BMP5: variants seen among roughly 807,000 people sequenced by gnomAD.
BMP5 encodes bone morphogenetic protein 5.
A neutral mutation model predicts 46.6 loss-of-function variants in BMP5; 23 were observed. That is an observed-to-expected ratio of 0.49 (90% CI 0.35 to 0.70). The LOEUF (loss-of-function observed/expected upper bound fraction) is 0.70. Among genes scored for constraint, BMP5 ranks in the 30% least tolerant of loss-of-function variants. BMP5 has a pLI of 0.00. For synonymous variants in BMP5, 204 were observed against 191.9 expected (o/e 1.06, Z -0.52); for missense variants, 545 against 565.6 (o/e 0.96, Z 0.37).
At position 55,772,148 on chromosome 6, in the gene BMP5, CA is replaced by C. The variant is rs199766232; in HGVS notation, c.1027+1900del. On this transcript the variant is annotated intron_variant, in intron 4 of 6. Transcript: ENST00000370830. Reference sequence around the variant, plus strand: ...GAAATGGTTGCCAATGACAAAATTTCAAAAAGAAAATATTGGTCTATATTAG... The same window carrying C: ...GAAATGGTTGCCAATGACAAAATTTCAAAAGAAAATATTGGTCTATATTAG... 5.3e-3 allele frequency among the ~76,000 whole-genome samples: 802 copies of C among 151,904 alleles called. 6 individuals are homozygous for C. Among genetic ancestry groups the C allele is most frequent in the African/African-American group, 0.019 (772 of 41,494 alleles).
intron 1 of BMP5, among the ~76,000 whole-genome samples, chr6:55,864,005 T>C (rs1036236236): frequency 1.3e-5 from 2 of 152,068 alleles, no homozygotes; most frequent in Non-Finnish European, 2.9e-5. Context: ...CCCCCATTTT[T>C]AAAGATGCAT....
chr6:55,849,182 G>A (rs1041208962), intron 1 of BMP5, among the ~76,000 whole-genome samples: 1 of 151,970 alleles, frequency 6.6e-6, no homozygotes, highest in African/African-American at 2.4e-5. Context: ...GTGGTCTGGG[G>A]CTATAGGAGT....
chr6:55,857,546 G>A (rs773527268), intron 1 of BMP5, among the ~76,000 whole-genome samples: 13 of 152,178 alleles, frequency 8.5e-5, no homozygotes, highest in Admixed American at 6.5e-4. Context: ...AATAATTGCC[G>A]ATGGCAAAAA....
intron 3 of BMP5, among the ~76,000 whole-genome samples, chr6:55,777,412 C>T (rs924962283): frequency 4.6e-5 from 7 of 151,954 alleles, no homozygotes; most frequent in African/African-American, 7.2e-5. Context: ...ATTACCTTTA[C>T]ATGTGTGTAT....
chr6:55,875,215 G>A lies in BMP5; in HGVS notation c.-350C>T, dbSNP rs3734443. The A allele has an allele frequency of 1.8e-4, 41 of 225,938 alleles. No homozygotes were observed. In the East Asian group the frequency reaches 4.0e-3, roughly 22 times the overall value. The allele number at this position is 225,938 out of a possible 1,614,324, so 14.0% of individuals were successfully genotyped here. On this transcript the variant is annotated 5_prime_UTR_variant, in exon 1 of 7. Transcript: ENST00000370830. ...ATGAATTTATGATAATCAGGCCTTT[G>A]GTATTTGAATTAGCAAAAGTTGATC...
intron 1 of BMP5, among the ~76,000 whole-genome samples, chr6:55,871,594 C>T (rs1562081233): frequency 6.6e-6 from 1 of 151,762 alleles, no homozygotes; most frequent in Non-Finnish European, 1.5e-5. Flanking sequence ...CTAATCTCAT[C>T]TGAATTTTAA....
intron 1 of BMP5, among the ~76,000 whole-genome samples, chr6:55,855,862 T>C (rs901612000): frequency 6.6e-6 from 1 of 152,180 alleles, no homozygotes; most frequent in Non-Finnish European, 1.5e-5. Flanking sequence ...TTTAAATAGC[T>C]CTTTTATATA....
chr6:55,779,095 T>G (rs767147742), intron 3 of BMP5, among the ~76,000 whole-genome samples: 17 of 152,096 alleles, frequency 1.1e-4, no homozygotes, highest in Admixed American at 5.3e-4. Context: ...TTAAAGGAGA[T>G]TCTGACATAA....
At chr6:55,844,090 A>C (rs1777037128) in intron 1 of BMP5, among the ~76,000 whole-genome samples, 1 of 151,964 alleles carries the variant, frequency 6.6e-6, no homozygotes, top group African/African-American at 2.4e-5. Flanking sequence ...TAAACTTTCC[A>C]CCCACCCTTT....
Position 55,774,123 on chromosome 6 carries a change from G to A in BMP5, c.953C>T (p.Ala318Val). The part of the protein sequence containing the change: ...SEVLLRSVRA[A>V]NKRKNQNRNK... ...GCGGTTTTGATTTTTTCGTTTGTTG[G>A]CTGCTCTCACGGATCGAAGAAGTAC... Residue 318 changes from alanine to valine, a missense_variant, in exon 4 of 7, where the codon GCC (alanine) becomes GTC (valine). Coordinates refer to ENST00000370830, the MANE Select transcript of BMP5 (RefSeq NM_021073.4). 1 of 1,613,076 alleles carries A rather than the reference G, an allele frequency of 6.2e-7. No homozygotes were observed. Among genetic ancestry groups the A allele is most frequent in the Non-Finnish European group, 8.5e-7 (1 of 1,179,446 alleles).
chr6:55,779,357 C>A (rs906728192), intron 3 of BMP5, among the ~76,000 whole-genome samples: 6 of 151,940 alleles, frequency 3.9e-5, no homozygotes, highest in African/African-American at 1.4e-4. Context: ...TTCTTCATTT[C>A]AAAAATGGCT....
intron 3 of BMP5, among the ~76,000 whole-genome samples, chr6:55,775,663 A>C (rs2127521869): frequency 6.6e-6 from 1 of 152,066 alleles, no homozygotes; most frequent in East Asian, 1.9e-4. Flanking sequence ...ACTGTGGAGC[A>C]ACCTCAGTCC....
chr6:55,844,154 G>T (rs2127546789), intron 1 of BMP5, among the ~76,000 whole-genome samples: 1 of 151,980 alleles, frequency 6.6e-6, no homozygotes, highest in African/African-American at 2.4e-5. Context: ...AGAGTTGATT[G>T]TTCTGTCTTC....
intron 3 of BMP5, among the ~76,000 whole-genome samples, chr6:55,782,776 C>A (rs557030016): frequency 6.6e-6 from 1 of 152,212 alleles, no homozygotes; most frequent in East Asian, 1.9e-4. Context: ...AAGAGAGAAG[C>A]AACAGCTGCC....
chr6:55,808,019 C>T (rs903054036), intron 2 of BMP5, among the ~76,000 whole-genome samples: 1 of 152,114 alleles, frequency 6.6e-6, no homozygotes, highest in African/African-American at 2.4e-5. Flanking sequence ...AGGAGGTGTA[C>T]TTCAGTGGGG....
chr6:55,765,261 T>C (rs1002202512), intron 4 of BMP5, among the ~76,000 whole-genome samples: 1 of 151,982 alleles, frequency 6.6e-6, no homozygotes, highest in Non-Finnish European at 1.5e-5. Flanking sequence ...ATAGTATTAG[T>C]TTATTAAAGG....
chr6:55,775,831 C>T (rs887884727), intron 3 of BMP5, among the ~76,000 whole-genome samples: 1 of 151,262 alleles, frequency 6.6e-6, no homozygotes, highest in Non-Finnish European at 1.5e-5. Context: ...AGAACAAGAC[C>T]GTCAGAAAAT....
chr6:55,818,338 T>TA (rs923939005), intron 2 of BMP5, among the ~76,000 whole-genome samples: 1 of 152,006 alleles, frequency 6.6e-6, no homozygotes, highest in Non-Finnish European at 1.5e-5. Flanking sequence ...CAGACGCATA[T>TA]AAAAAGTTTC....
At chr6:55,807,299 G>A (rs1404532667) in intron 2 of BMP5, among the ~76,000 whole-genome samples, 1 of 151,840 alleles carries the variant, frequency 6.6e-6, no homozygotes, top group Admixed American at 6.6e-5. Flanking sequence ...CTTTATCAAA[G>A]GCCTGCATCT....
Sources: allele counts gnomAD v4.1 joint callset (sites outside exome capture counted in the v4.1 genomes callset), GRCh38; gene constraint gnomAD v4.1.1; transcripts MANE v1.5; gene names NCBI Gene and HGNC (gene_info 2026-07-23, HGNC 2026-07-21).